Variants in ZNF420 observed in about 807,000 individuals in gnomAD.
The protein encoded by ZNF420 is ATM and p53-associated KZNF protein.
ZNF420 carries 31 observed loss-of-function variants against 44.7 expected under a neutral mutation model. The observed-to-expected ratio is 0.69, with a 90% CI of 0.52 to 0.94. ZNF420 has a LOEUF of 0.94. Ranked by LOEUF, ZNF420 falls within the 40% of genes least tolerant of loss-of-function variation. The pLI is 0.00. For missense variants in ZNF420, 681 were observed against 827.9 expected, an observed-to-expected ratio of 0.82 and a Z score of 2.18; for synonymous variants, 245 against 267.4, an observed-to-expected ratio of 0.92 and a Z score of 0.82.
At chr19:37,094,651 A>G (rs1320744874) in intron 4 of ZNF420, among the ~76,000 whole-genome samples, 1 of 152,202 alleles carries the variant, frequency 6.6e-6, no homozygotes, top group Non-Finnish European at 1.5e-5. Flanking sequence ...AGACATATAA[A>G]TAATAGTATC....
chr19:37,029,689 T>A (rs1015399156), intron 1 of ZNF420, among the ~76,000 whole-genome samples: 59 of 152,126 alleles, frequency 3.9e-4, no homozygotes, highest in African/African-American at 1.4e-3. Flanking sequence ...ACCTGGCTAA[T>A]TTTTTGTATC....
chr19:37,076,433 G>A (rs1231412802), upstream of ZNF420, among the ~76,000 whole-genome samples: 3 of 151,948 alleles, frequency 2.0e-5, no homozygotes, highest in Admixed American at 6.6e-5. Flanking sequence ...GTGCAGGTTT[G>A]TTACATATGT....
At chr19:37,080,061 G>A (rs1335409993) in intron 1 of ZNF420, among the ~76,000 whole-genome samples, 1 of 152,142 alleles carries the variant, frequency 6.6e-6, no homozygotes, top group African/African-American at 2.4e-5. Flanking sequence ...AGTTTCAGAG[G>A]GAGTGCTTTA....
Position 37,128,867 on chromosome 19 carries a change from CAG to C in ZNF420, c.1879_1880del (p.Ser627PhefsTer13). 6.2e-7 allele frequency: 1 copy of C among 1,613,908 alleles called. No homozygotes were observed. The highest frequency in any genetic ancestry group is 8.5e-7 in the Non-Finnish European group (1 of 1,179,980). On this transcript the variant is annotated frameshift_variant, in exon 5 of 5. Transcript: ENST00000337995. LOFTEE classifies it high-confidence loss of function. ...CAGAGAATGTAGAAAGGCCTTTACT[CAG>C]AGTTCACATCTTTCTCGGCATCAGA... ...ECRECRKAFT[Q>X]SSHLSRHQRI... is the part of the protein sequence containing the mutation.
chr19:37,037,463 TA>T (rs1967377208), intron 1 of ZNF420, among the ~76,000 whole-genome samples: 1 of 152,214 alleles, frequency 6.6e-6, no homozygotes, highest in Non-Finnish European at 1.5e-5. Flanking sequence ...GTGCTGCCAG[TA>T]AACTCAAGCT....
intron 1 of ZNF420, among the ~76,000 whole-genome samples, chr19:37,060,131 C>T (rs1967849386): frequency 6.6e-6 from 1 of 152,120 alleles, no homozygotes; most frequent in Non-Finnish European, 1.5e-5. Context: ...CAACTGAAGT[C>T]TCATCCCCAT....
intron 1 of ZNF420, among the ~76,000 whole-genome samples, chr19:37,073,287 A>G (rs1968089563): frequency 1.3e-5 from 2 of 152,196 alleles, no homozygotes; most frequent in Non-Finnish European, 2.9e-5. Context: ...TTATAATCCT[A>G]AGTTTATTGG....
intron 4 of ZNF420, among the ~76,000 whole-genome samples, chr19:37,122,626 C>T (rs1379321726): frequency 6.6e-6 from 1 of 151,938 alleles, no homozygotes; most frequent in Non-Finnish European, 1.5e-5. Context: ...AAAAAAACAA[C>T]AACACATTTT....
rs79998378 is a variant in ZNF420 at position 37,020,620 on chromosome 19, A to G, written c.-125+12538A>G. 3.4e-3 allele frequency among the ~76,000 whole-genome samples: 513 copies of G among 152,318 alleles called. 22 individuals are homozygous for G. The East Asian group carries it at 0.091, about 27-fold the overall frequency. ...CACCATGTTCATAGCAGCATTATGC[A>G]CAATAGCTAAAGTAGAGGCACCCCA... On this transcript the variant is annotated intron_variant, in intron 1 of 4. Transcript: ENST00000587029.
chr19:37,062,365 T>C (rs1490233792), intron 1 of ZNF420, among the ~76,000 whole-genome samples: 2 of 152,170 alleles, frequency 1.3e-5, no homozygotes, highest in Non-Finnish European at 2.9e-5. Context: ...AAAGAAGATA[T>C]GGAGAGGGCT....
chr19:37,056,318 G>A (rs1326811056), intron 1 of ZNF420, among the ~76,000 whole-genome samples: 4 of 152,122 alleles, frequency 2.6e-5, no homozygotes, highest in East Asian at 1.9e-4. Context: ...TTTATGTGGC[G>A]TTGACAGGGA....
intron 4 of ZNF420, among the ~76,000 whole-genome samples, chr19:37,117,438 C>T (rs1471263465): frequency 6.6e-6 from 1 of 152,206 alleles, no homozygotes; most frequent in African/African-American, 2.4e-5. Context: ...AACTAACAAA[C>T]AGAAAGGACA....
At chr19:37,010,497 CTA>C (rs947891247) in intron 1 of ZNF420, among the ~76,000 whole-genome samples, 3 of 152,066 alleles carry the variant, frequency 2.0e-5, no homozygotes, top group African/African-American at 7.2e-5. Flanking sequence ...TGCCACTGCT[CTA>C]TGTCTGTGTG....
At chr19:37,024,280 A>C in intron 1 of ZNF420, among the ~76,000 whole-genome samples, 1 of 151,976 alleles carries the variant, frequency 6.6e-6, no homozygotes, top group Middle Eastern at 3.2e-3. Context: ...GATTGATCTC[A>C]TGCCTCTCTA....
intron 1 of ZNF420, among the ~76,000 whole-genome samples, chr19:37,019,547 G>A (rs1484873840): frequency 6.6e-6 from 1 of 152,012 alleles, no homozygotes; most frequent in Non-Finnish European, 1.5e-5. Context: ...GGCTGAGATG[G>A]GCGGATCACT....
chr19:37,109,734 C>A (rs1367133526), intron 4 of ZNF420: 4 of 152,236 alleles, frequency 2.6e-5, no homozygotes, highest in Admixed American at 2.0e-4. Context: ...CTCCACGTTA[C>A]CACCTTCCCT....
intron 1 of ZNF420, among the ~76,000 whole-genome samples, chr19:37,022,171 C>T (rs951012637): frequency 1.5e-4 from 23 of 150,846 alleles, no homozygotes; most frequent in African/African-American, 5.4e-4. Context: ...AATTATATAT[C>T]AAATGTATAG....
At position 37,127,122 on chromosome 19, in the gene ZNF420, T is replaced by A. The variant is rs1266703983; in HGVS notation, c.137-6T>A. On this transcript the variant is annotated splice_polypyrimidine_tract_variant and splice_region_variant and intron_variant, in intron 4 of 4. Coordinates refer to ENST00000337995, the MANE Select transcript of ZNF420 (RefSeq NM_144689.5). ...CTCAATTTTTTTATTCTCTCTTATC[T>A]TTCAGACTTGCCTTCAAGGTGTGCA... 2.1e-6 allele frequency: 3 copies of A among 1,461,506 alleles called. No individual in the cohort carries two copies. Among genetic ancestry groups the A allele is most frequent in the Middle Eastern group, 3.7e-4 (2 of 5,410 alleles). 90.5% of individuals were successfully genotyped at this position (1,461,506 alleles called of 1,614,324 possible).
intron 1 of ZNF420, among the ~76,000 whole-genome samples, chr19:37,079,434 GA>G (rs1330323205): frequency 1.3e-5 from 2 of 152,154 alleles, no homozygotes; most frequent in African/African-American, 4.8e-5. Flanking sequence ...ATGTGGCTCT[GA>G]GGACTTAAGG....
Sources: gnomAD v4.1 joint callset for allele counts (sites outside exome capture counted in the v4.1 genomes callset) on GRCh38, gnomAD v4.1.1 for gene constraint, MANE v1.5 for transcripts, NCBI Gene and HGNC (gene_info 2026-07-23, HGNC 2026-07-21) for gene names.